The following SPAG16 variants were observed in gnomAD, a reference collection of about 807,000 sequenced individuals.
SPAG16 encodes sperm associated antigen 16, also known as sperm-associated antigen 16 protein.
SPAG16 carries 86 observed loss-of-function variants against 80.4 expected under a neutral mutation model. The observed-to-expected ratio is 1.07, with a 90% CI of 0.90 to 1.28. SPAG16 has a LOEUF of 1.28. Ranked by LOEUF, SPAG16 falls within the 50% of genes most tolerant of loss-of-function variation. The pLI is 0.00. For synonymous variants in SPAG16, 294 were observed against 265.9 expected (o/e 1.11, Z -1.03); for missense variants, 870 against 765.3 (o/e 1.14, Z -1.61).
intron 14 of SPAG16, among the ~76,000 whole-genome samples, chr2:214,131,663 G>A (rs2054789364): frequency 6.6e-6 from 1 of 151,916 alleles, no homozygotes. Flanking sequence ...GAAAAGAGAT[G>A]GCATAAACTT....
chr2:214,287,634 A>G (rs1693462173), intron 15 of SPAG16, among the ~76,000 whole-genome samples: 2 of 152,236 alleles, frequency 1.3e-5, no homozygotes, highest in South Asian at 2.1e-4. Context: ...TTTTCTATCA[A>G]TCATTACAAT....
rs374274176 is a variant in SPAG16 at position 213,980,725 on chromosome 2, T to TATATAGAGAGAGAG, written c.1401-33225_1401-33224insTATAGAGAGAGAGA. Among the ~76,000 whole-genome samples, 43 of 103,976 alleles carry TATATAGAGAGAGAG rather than the reference T, an allele frequency of 4.1e-4. 1 individual carries two copies. The highest frequency in any genetic ancestry group is 1.7e-3 in the African/African-American group (34 of 20,084). 68.2% of individuals were successfully genotyped at this position (103,976 alleles called of 152,430 possible). A position where few individuals can be genotyped will look rare whatever the true frequency, so the allele number is the denominator to read the frequency against. On this transcript the variant is annotated intron_variant, in intron 12 of 15. Transcript: ENST00000331683. Reference sequence around the variant, plus strand: ...GTGTGTGTGTGTGTATATATATATATAGAGAGAGAGAGAGAGAGAGAGAGA... The same window carrying TATATAGAGAGAGAG: ...GTGTGTGTGTGTGTATATATATATATATATAGAGAGAGAGAGAGAGAGAGAGAGAGAGAGAGAGA...
intron 9 of SPAG16, among the ~76,000 whole-genome samples, chr2:213,402,961 T>C (rs1022182141): frequency 4.6e-5 from 7 of 152,078 alleles, no homozygotes; most frequent in Non-Finnish European, 8.8e-5. Flanking sequence ...GATGGCTGGG[T>C]CAAATGGTAT....
intron 15 of SPAG16, among the ~76,000 whole-genome samples, chr2:214,301,679 T>A (rs949027507): frequency 1.3e-5 from 2 of 152,214 alleles, no homozygotes; most frequent in Non-Finnish European, 2.9e-5. Context: ...TATTTCTTGG[T>A]TAATCTAGCT....
chr2:214,016,655 C>T (rs564926371), intron 13 of SPAG16, among the ~76,000 whole-genome samples: 6 of 152,016 alleles, frequency 3.9e-5, no homozygotes, highest in Admixed American at 2.0e-4. Context: ...TGGGTAAGAT[C>T]GGGGAGATGA....
intron 15 of SPAG16, among the ~76,000 whole-genome samples, chr2:214,173,043 A>G (rs1451807377): frequency 6.7e-6 from 1 of 150,214 alleles, no homozygotes; most frequent in East Asian, 2.0e-4. Flanking sequence ...CCCATTTTGT[A>G]GGTTGCCTGT....
At chr2:214,234,796 G>C (rs1300151917) in intron 15 of SPAG16, among the ~76,000 whole-genome samples, 2 of 152,008 alleles carry the variant, frequency 1.3e-5, no homozygotes, top group African/African-American at 2.4e-5. Context: ...CATGAATAAG[G>C]AAAAGGGTTT....
chr2:213,524,314 G>A (rs1269963168), intron 10 of SPAG16, among the ~76,000 whole-genome samples: 2 of 152,218 alleles, frequency 1.3e-5, no homozygotes, highest in African/African-American at 4.8e-5. Flanking sequence ...GGAAATGCCT[G>A]GATGTCCAGG....
At chr2:213,406,474 C>A (rs116567247) in intron 9 of SPAG16, among the ~76,000 whole-genome samples, 1 of 152,072 alleles carries the variant, frequency 6.6e-6, no homozygotes, top group African/African-American at 2.4e-5. Flanking sequence ...TTTAACCATA[C>A]ATTAAGTTGT....
At chr2:214,287,818 A>C (rs1041031566) in intron 15 of SPAG16, among the ~76,000 whole-genome samples, 6 of 152,200 alleles carry the variant, frequency 3.9e-5, no homozygotes, top group African/African-American at 1.2e-4. Flanking sequence ...TGCTTCACCT[A>C]TCTGTATTTT....
At chr2:213,369,345 C>T (rs1330811728) in intron 8 of SPAG16, among the ~76,000 whole-genome samples, 1 of 151,958 alleles carries the variant, frequency 6.6e-6, no homozygotes, top group Non-Finnish European at 1.5e-5. Flanking sequence ...CTAATTTCCT[C>T]AGAAGAAAAG....
chr2:213,574,867 A>G (rs950720329), intron 10 of SPAG16, among the ~76,000 whole-genome samples: 13 of 151,900 alleles, frequency 8.6e-5, no homozygotes, highest in African/African-American at 2.9e-4. Context: ...AATTGTTTAT[A>G]TATTATACAC....
intron 10 of SPAG16, among the ~76,000 whole-genome samples, chr2:213,781,104 G>A (rs1320978101): frequency 6.6e-6 from 1 of 152,106 alleles, no homozygotes; most frequent in Non-Finnish European, 1.5e-5. Flanking sequence ...ATGTTACTCA[G>A]CAAAACTCCT....
intron 11 of SPAG16, among the ~76,000 whole-genome samples, chr2:213,922,705 T>G (rs1220855204): frequency 6.6e-6 from 1 of 152,208 alleles, no homozygotes; most frequent in Non-Finnish European, 1.5e-5. Flanking sequence ...TTGATTTTTT[T>G]GTTTTTTTCT....
intron 10 of SPAG16, among the ~76,000 whole-genome samples, chr2:213,510,435 G>C (rs926039345): frequency 2.0e-5 from 3 of 151,856 alleles, no homozygotes; most frequent in African/African-American, 7.3e-5. Context: ...ATGTACATTA[G>C]TATAACATGC....
intron 5 of SPAG16, among the ~76,000 whole-genome samples, chr2:213,336,515 T>A (rs1232796226): frequency 6.6e-6 from 1 of 152,182 alleles, no homozygotes; most frequent in Non-Finnish European, 1.5e-5. Context: ...TTGGCCACCA[T>A]CACTGCGGCT....
chr2:214,088,521 A>G (rs952939978), intron 13 of SPAG16, among the ~76,000 whole-genome samples: 1 of 152,178 alleles, frequency 6.6e-6, no homozygotes, highest in Non-Finnish European at 1.5e-5. Context: ...TACATTAGCC[A>G]TACTAAACAA....
intron 10 of SPAG16, among the ~76,000 whole-genome samples, chr2:213,637,318 G>C (rs1317421751): frequency 6.6e-6 from 1 of 152,100 alleles, no homozygotes; most frequent in Non-Finnish European, 1.5e-5. Flanking sequence ...TGATCTTTTT[G>C]ATATGCTGTT....
At chr2:214,023,396 A>C (rs2047978691) in intron 13 of SPAG16, among the ~76,000 whole-genome samples, 1 of 130,010 alleles carries the variant, frequency 7.7e-6, no homozygotes, top group African/African-American at 2.6e-5. Context: ...ATTGCTTCCT[A>C]AGGCATTCAT....
Sources: allele counts gnomAD v4.1 joint callset (sites outside exome capture counted in the v4.1 genomes callset), GRCh38; gene constraint gnomAD v4.1.1; transcripts MANE v1.5; gene names NCBI Gene and HGNC (gene_info 2026-07-23, HGNC 2026-07-21).